The following SRRM4 variants were observed in gnomAD, a reference collection of about 807,000 sequenced individuals.
SRRM4 encodes serine/arginine repetitive matrix 4.
In SRRM4, 33 loss-of-function variants were observed where a neutral mutation model predicts 68.9. The observed-to-expected ratio is 0.48, with a 90% CI of 0.36 to 0.64. The LOEUF (loss-of-function observed/expected upper bound fraction) is 0.64, where lower values mean the gene tolerates loss of function less well. SRRM4 is among the 30% of genes least tolerant of loss of function. The pLI, the probability that SRRM4 is intolerant of heterozygous loss-of-function variation, is 0.00. For synonymous variants in SRRM4, 318 were observed against 318.8 expected (o/e 1.00, Z 0.03); for missense variants, 817 against 827.1 (o/e 0.99, Z 0.15).
chr12:119,085,385 GGCA>G (rs1451099153), intron 1 of SRRM4, among the ~76,000 whole-genome samples: 1 of 152,198 alleles, frequency 6.6e-6, no homozygotes, highest in Non-Finnish European at 1.5e-5. Context: ...GTCACAGAGT[GGCA>G]GCACTGGGGT....
At chr12:119,110,737 G>A (rs1417751436) in intron 2 of SRRM4, among the ~76,000 whole-genome samples, 1 of 152,182 alleles carries the variant, frequency 6.6e-6, no homozygotes, top group Non-Finnish European at 1.5e-5. Flanking sequence ...GGCTTCCCTT[G>A]GCTAGGAAAG....
intron 1 of SRRM4, among the ~76,000 whole-genome samples, chr12:119,028,784 G>A (rs1953567050): frequency 6.6e-6 from 1 of 152,218 alleles, no homozygotes; most frequent in Admixed American, 6.5e-5. Context: ...ACAGTGGGCT[G>A]CACATGCAGG....
Position 119,156,928 on chromosome 12 carries a change from GA to G in SRRM4, c.*132del, listed in dbSNP as rs1954477896. On this transcript the variant is annotated 3_prime_UTR_variant, in exon 13 of 13. Transcript: ENST00000267260. ...CCTTGTCCTTCCTGCTTGCCTAGGG[GA>G]AGAGGAGAAGAGGGTAAGGGGGCTT... is the stretch of plus-strand genomic sequence containing the variant. 8.7e-7 allele frequency: 1 copy of G among 1,152,478 alleles called. No individual in the cohort carries two copies. The highest frequency in any genetic ancestry group is 1.6e-5 in the African/African-American group (1 of 64,174). 71.4% of individuals were successfully genotyped at this position (1,152,478 alleles called of 1,614,324 possible).
In SRRM4 at chr12:119,151,222, T is replaced by C; in HGVS notation, c.1280+2T>C. 1.9e-6 allele frequency: 3 copies of C among 1,613,588 alleles called. No homozygotes were observed. The highest frequency in any genetic ancestry group is 2.5e-6 in the Non-Finnish European group (3 of 1,179,530). ...CCGATCCACCTCTTCTGAAAAAAGG[T>C]GAGTGTGGTTTTGACCTTTGCTCTG... On this transcript the variant is annotated splice_donor_variant, in intron 10 of 12. Coordinates refer to ENST00000267260, the MANE Select transcript of SRRM4 (RefSeq NM_194286.4). LOFTEE classifies it high-confidence loss of function.
chr12:119,030,282 G>A (rs1049786166), intron 1 of SRRM4, among the ~76,000 whole-genome samples: 4 of 152,182 alleles, frequency 2.6e-5, no homozygotes, highest in African/African-American at 9.7e-5. Flanking sequence ...CCACAAGGGA[G>A]GATAACAGAT....
chr12:119,115,565 C>A (rs1954174313), intron 3 of SRRM4, among the ~76,000 whole-genome samples: 1 of 152,070 alleles, frequency 6.6e-6, no homozygotes, highest in African/African-American at 2.4e-5. Flanking sequence ...CACCCCTTAG[C>A]CTCATTCTAA....
chr12:119,047,172 A>G (rs1484079278), intron 1 of SRRM4, among the ~76,000 whole-genome samples: 1 of 152,232 alleles, frequency 6.6e-6, no homozygotes, highest in East Asian at 1.9e-4. Flanking sequence ...AATAGAAACA[A>G]TAATGAAATT....
intron 1 of SRRM4, among the ~76,000 whole-genome samples, chr12:119,047,471 A>G (rs1204517212): frequency 2.0e-5 from 3 of 152,018 alleles, no homozygotes; most frequent in African/African-American, 7.2e-5. Flanking sequence ...GTAGTCTTTT[A>G]TCCCTCACCC....
chr12:119,049,305 A>G (rs1953726788), intron 1 of SRRM4, among the ~76,000 whole-genome samples: 1 of 152,240 alleles, frequency 6.6e-6, no homozygotes, highest in Admixed American at 6.5e-5. Flanking sequence ...GGCAAAGTGT[A>G]TCCCAGGCAC....
intron 1 of SRRM4, among the ~76,000 whole-genome samples, chr12:119,002,064 ATAGCCTGTGTTCT>A (rs1953388056): frequency 6.6e-6 from 1 of 151,666 alleles, no homozygotes; most frequent in Non-Finnish European, 1.5e-5. Flanking sequence ...GTCTGATTCT[ATAGCCTGTGTTCT>A]TACCCATTAG....
rs567232021 is a variant in SRRM4 at position 119,011,689 on chromosome 12, G to A, written c.131+29676G>A. ...TCCTGCCTTCCCATGGGTTTGGGGC[G>A]TGGCAGAGCTGCACAGTGAAAGGAG... On this transcript the variant is annotated intron_variant, in intron 1 of 12. Coordinates refer to ENST00000267260, the MANE Select transcript of SRRM4 (RefSeq NM_194286.4). Among the ~76,000 whole-genome samples, 245 of 152,318 alleles carry A rather than the reference G, an allele frequency of 1.6e-3. 2 individuals are homozygous for A. Among genetic ancestry groups the A allele is most frequent in the African/African-American group, 4.7e-3 (194 of 41,576 alleles).
chr12:119,094,111 C>G (rs1052953087), intron 1 of SRRM4, among the ~76,000 whole-genome samples: 19 of 152,060 alleles, frequency 1.2e-4, no homozygotes, highest in African/African-American at 4.6e-4. Flanking sequence ...GAGTGTTTAC[C>G]ACACACTCAT....
intron 1 of SRRM4, among the ~76,000 whole-genome samples, chr12:119,086,382 C>T (rs1429346223): frequency 6.6e-6 from 1 of 152,180 alleles, no homozygotes. Flanking sequence ...GTCTCAGCCA[C>T]AGGTCCCACC....
At chr12:119,114,625 C>A (rs1163914379) in intron 3 of SRRM4, among the ~76,000 whole-genome samples, 1 of 150,804 alleles carries the variant, frequency 6.6e-6, no homozygotes, top group Non-Finnish European at 1.5e-5. Flanking sequence ...CAGTACCTGG[C>A]ACATGGTAAA....
At chr12:119,029,057 G>A (rs1347269696) in intron 1 of SRRM4, among the ~76,000 whole-genome samples, 4 of 152,150 alleles carry the variant, frequency 2.6e-5, no homozygotes, top group Non-Finnish European at 4.4e-5. Flanking sequence ...ACACAGGTGG[G>A]AAAATACTGT....
At chr12:118,995,701 G>A (rs372031313) in intron 1 of SRRM4, among the ~76,000 whole-genome samples, 1 of 152,204 alleles carries the variant, frequency 6.6e-6, no homozygotes, top group Non-Finnish European at 1.5e-5. Context: ...AGCTGACCCA[G>A]TTAGGTGCAG....
rs912641921 is a variant in SRRM4 at position 118,982,144 on chromosome 12, C to T, written c.131+131C>T. On this transcript the variant is annotated intron_variant, in intron 1 of 12. Transcript: ENST00000267260. The stretch of plus-strand genomic sequence containing the variant: ...CTTTTCCCGTCACTACTCGGCGGCT[C>T]CCGCTGAAACATGGGAACTCATTGC... 7.0e-6 allele frequency: 8 copies of T among 1,148,676 alleles called. No individual in the cohort carries two copies. The African/African-American group carries it at 1.1e-4, about 16-fold the overall frequency. 71.2% of individuals were successfully genotyped at this position (1,148,676 alleles called of 1,614,324 possible). A position where few individuals can be genotyped will look rare whatever the true frequency, so the allele number is the denominator to read the frequency against.
At chr12:119,129,540 GA>G (rs1449409764) in intron 7 of SRRM4, among the ~76,000 whole-genome samples, 1 of 152,130 alleles carries the variant, frequency 6.6e-6, no homozygotes, top group African/African-American at 2.4e-5. Context: ...TACATTTATA[GA>G]CAAACACATG....
rs773975472 is a variant in SRRM4 at position 119,130,659 on chromosome 12, C to T, written c.615-19C>T. On this transcript the variant is annotated intron_variant, in intron 7 of 12. Coordinates refer to ENST00000267260, the MANE Select transcript of SRRM4 (RefSeq NM_194286.4). ...GCTCCCCTTCAAAAGACCCTCAGGT[C>T]TCTCTCCCCCATCCCCAGGCACCGC... The T allele has an allele frequency of 6.2e-7, 1 of 1,603,170 alleles. No homozygotes were observed. The highest frequency in any genetic ancestry group is 8.5e-7 in the Non-Finnish European group (1 of 1,175,410).
Sources: allele counts gnomAD v4.1 joint callset (sites outside exome capture counted in the v4.1 genomes callset), GRCh38; gene constraint gnomAD v4.1.1; transcripts MANE v1.5; gene names NCBI Gene and HGNC (gene_info 2026-07-23, HGNC 2026-07-21).